The following CDC42BPA variants were observed in gnomAD, a reference collection of about 807,000 sequenced individuals.
The protein encoded by CDC42BPA is serine/threonine-protein kinase MRCK alpha.
Under a neutral mutation model 223.5 loss-of-function variants are expected in CDC42BPA, and 80 were observed. The ratio of observed to expected loss-of-function variants is 0.36; its 90% CI spans 0.30 to 0.43. The LOEUF (loss-of-function observed/expected upper bound fraction) is 0.43, where lower values mean the gene tolerates loss of function less well. Ranked by LOEUF, CDC42BPA falls within the 20% of genes least tolerant of loss-of-function variation. The probability of loss-of-function intolerance (pLI) is 1.00; values close to 1 mark genes in which losing one functional copy is unlikely to be tolerated. For synonymous variants in CDC42BPA, 694 were observed against 718.6 expected, an observed-to-expected ratio of 0.97 and a Z score of 0.55; for missense variants, 1,743 against 2,099.9, an observed-to-expected ratio of 0.83 and a Z score of 3.32.
chr1:227,145,899 CAGA>C (rs1223269651), intron 7 of CDC42BPA, among the ~76,000 whole-genome samples, 162 bp from the exon 8 acceptor site: 4 of 152,108 alleles, frequency 2.6e-5, no homozygotes, highest in Non-Finnish European at 4.4e-5. Flanking sequence ...GGATGAATGA[CAGA>C]AGATCATTTT....
Position 227,212,092 on chromosome 1 carries a change from G to GT in CDC42BPA, c.354+1043dup, listed in dbSNP as rs372804943. Reference sequence around the variant, plus strand: ...CACTTCTGAGGGTTTTTGTTTGTTTGTTTTTTTTAGTTTAAAAAAAAAAAC... The same window carrying GT: ...CACTTCTGAGGGTTTTTGTTTGTTTGTTTTTTTTTAGTTTAAAAAAAAAAAC... On this transcript the variant is annotated intron_variant, in intron 3 of 36. Coordinates refer to ENST00000366766, the MANE Select transcript of CDC42BPA (RefSeq NM_001394014.1). Among the ~76,000 whole-genome samples the GT allele has an allele frequency of 3.8e-4, 57 of 150,296 alleles. No homozygotes were observed. In the East Asian group the frequency reaches 7.2e-3, roughly 19 times the overall value.
intron 4 of CDC42BPA, among the ~76,000 whole-genome samples, chr1:227,194,617 C>T (rs746086210): frequency 1.3e-5 from 2 of 152,144 alleles, no homozygotes; most frequent in South Asian, 2.1e-4. Flanking sequence ...GTACATCAAA[C>T]TGTTCACTGA....
intron 4 of CDC42BPA, among the ~76,000 whole-genome samples, chr1:227,196,502 G>T (rs1268166655): frequency 6.6e-6 from 1 of 151,498 alleles, no homozygotes; most frequent in Non-Finnish European, 1.5e-5. Flanking sequence ...ACCACACCCG[G>T]CTAATTTTTT....
Position 227,047,944 on chromosome 1 carries a change from T to G in CDC42BPA, c.3076A>C (p.Thr1026Pro). 1.2e-6 allele frequency: 2 copies of G among 1,608,876 alleles called. No individual in the cohort carries two copies. The highest frequency in any genetic ancestry group is 2.2e-5 in the East Asian group (1 of 44,752). The change falls in exon 23 of 37, where the codon ACT (threonine) becomes CCT (proline). Residue 1026 changes from threonine (T) to proline (P), a missense_variant. By Grantham distance (38) the Thr-to-Pro change is conservative. Around this residue, in one of 6 missense-constraint regions of CDC42BPA, gnomAD observed 678 missense variants for 777.5 expected, o/e 0.87. Transcript: ENST00000366766. Reference sequence around the variant, plus strand: ...TTGAGTACCTTAGGTGGAAAGCCAGTTGAACCAGGACATCCTTTTTTCCTT... The same window carrying G: ...TTGAGTACCTTAGGTGGAAAGCCAGGTGAACCAGGACATCCTTTTTTCCTT... The part of the protein sequence containing the change: ...TLRKKGCPGS[T>P]GFPPKRKTHQ...
chr1:227,101,849 T>A (rs538222535), intron 14 of CDC42BPA, among the ~76,000 whole-genome samples: 1 of 152,158 alleles, frequency 6.6e-6, no homozygotes, highest in African/African-American at 2.4e-5. Flanking sequence ...GAAATCTACC[T>A]TTTTAGAAAT....
In CDC42BPA at chr1:227,300,488, C is replaced by T. The variant is rs534513637; in HGVS notation, c.178+16517G>A. On this transcript the variant is annotated intron_variant, in intron 1 of 36. Coordinates refer to ENST00000366766, the MANE Select transcript of CDC42BPA (RefSeq NM_001394014.1). ...TACACACATACCATGGAATACTACTCAGCCATAAAAAGAACAAAATAATGT... is the reference window on the plus strand; with the variant it reads ...TACACACATACCATGGAATACTACTTAGCCATAAAAAGAACAAAATAATGT... 2.0e-5 allele frequency among the ~76,000 whole-genome samples: 3 copies of T among 152,260 alleles called. No homozygotes were observed. In the South Asian group the frequency reaches 6.2e-4, roughly 32 times the overall value.
chr1:226,999,922 G>A (rs1325794069), intron 35 of CDC42BPA, among the ~76,000 whole-genome samples: 1 of 149,242 alleles, frequency 6.7e-6, no homozygotes, highest in Non-Finnish European at 1.5e-5. Context: ...ACACAGGGAG[G>A]GGAATATCAC....
chr1:227,017,262 C>T (rs1666465871), intron 32 of CDC42BPA, among the ~76,000 whole-genome samples: 1 of 152,118 alleles, frequency 6.6e-6, no homozygotes, highest in Non-Finnish European at 1.5e-5. Context: ...ACAAAATATA[C>T]TTTCACTTTT....
chr1:227,071,696 A>G (rs1302927539), intron 20 of CDC42BPA, among the ~76,000 whole-genome samples: 1 of 133,732 alleles, frequency 7.5e-6, no homozygotes, highest in Non-Finnish European at 1.6e-5. Context: ...TTCCTCAACT[A>G]CCCTGAAAGT....
chr1:227,311,096 G>A (rs1230029849), intron 1 of CDC42BPA, among the ~76,000 whole-genome samples: 2 of 152,152 alleles, frequency 1.3e-5, no homozygotes, highest in African/African-American at 2.4e-5. Flanking sequence ...GATCACACTT[G>A]CAATTCCAAC....
chr1:226,994,250 T>C lies in CDC42BPA; in HGVS notation c.*18A>G. 6.4e-7 allele frequency: 1 copy of C among 1,561,494 alleles called. No homozygotes were observed. Among genetic ancestry groups the C allele is most frequent in the Non-Finnish European group, 8.7e-7 (1 of 1,151,476 alleles). On this transcript the variant is annotated 3_prime_UTR_variant, in exon 37 of 37. Transcript: ENST00000366766. This position sits in a 1 kb window ranked among gnomAD's most constrained non-coding sequence, Gnocchi z 4.0. Reference sequence around the variant, plus strand: ...GTGGCAGGGAGCGGAGAGCGAGAGGTCCCAGTGCTGAGGCAGCTCACGGGT... The same window carrying C: ...GTGGCAGGGAGCGGAGAGCGAGAGGCCCCAGTGCTGAGGCAGCTCACGGGT...
intron 2 of CDC42BPA, among the ~76,000 whole-genome samples, chr1:227,222,195 G>A (rs1398212009): frequency 2.6e-5 from 4 of 151,798 alleles, no homozygotes; most frequent in East Asian, 1.9e-4. Context: ...TCCAGCCTGG[G>A]TGACAGAATG....
At chr1:227,265,033 A>G (rs1684744809) in intron 1 of CDC42BPA, 8 of 792,914 alleles carry the variant, frequency 1.0e-5, no homozygotes, top group South Asian at 9.4e-5. Flanking sequence ...CACACTGAGG[A>G]TTTGGCTTCA....
At chr1:227,270,978 T>C (rs1685864844) in intron 1 of CDC42BPA, among the ~76,000 whole-genome samples, 1 of 152,190 alleles carries the variant, frequency 6.6e-6, no homozygotes, top group African/African-American at 2.4e-5. Context: ...CAACTACAAG[T>C]TAATGAAGAC....
intron 32 of CDC42BPA, among the ~76,000 whole-genome samples, chr1:227,019,049 A>C (rs1230859981): frequency 6.6e-6 from 1 of 152,200 alleles, no homozygotes; most frequent in Non-Finnish European, 1.5e-5. Context: ...TCCTTTCACA[A>C]AAGATGGTTC....
intron 5 of CDC42BPA, among the ~76,000 whole-genome samples, chr1:227,176,339 C>T (rs1227384994): frequency 6.6e-6 from 1 of 152,124 alleles, no homozygotes; most frequent in Non-Finnish European, 1.5e-5. Flanking sequence ...TTCTTCTACA[C>T]CAAGAATTCT....
intron 1 of CDC42BPA, among the ~76,000 whole-genome samples, chr1:227,289,116 C>T (rs1025976513): frequency 9.9e-5 from 15 of 152,212 alleles, no homozygotes; most frequent in African/African-American, 3.6e-4. Context: ...TGTACTGCTA[C>T]AAAGGTCCTA....
intron 5 of CDC42BPA, among the ~76,000 whole-genome samples, chr1:227,192,635 C>T (rs933111401): frequency 1.3e-5 from 2 of 152,154 alleles, no homozygotes; most frequent in African/African-American, 4.8e-5. Context: ...CTGCTGTTTC[C>T]TACTTTCCTC....
chr1:227,261,426 T>C (rs1333766655), intron 1 of CDC42BPA, among the ~76,000 whole-genome samples: 1 of 150,780 alleles, frequency 6.6e-6, no homozygotes, highest in Non-Finnish European at 1.5e-5. Flanking sequence ...TGAGTTATTA[T>C]TAAACAAAGT....
Sources: gnomAD v4.1 joint callset for allele counts (sites outside exome capture counted in the v4.1 genomes callset) on GRCh38, gnomAD v4.1.1 for gene constraint, gnomAD v4.1.1 regional missense constraint, Gnocchi (gnomAD v3.1) non-coding constraint, MANE v1.5 for transcripts, NCBI Gene and HGNC (gene_info 2026-07-23, HGNC 2026-07-21) for gene names.